The following ROBO1 variants were observed in gnomAD, a reference collection of about 807,000 sequenced individuals.
ROBO1 encodes roundabout homolog 1.
In ROBO1, 149 loss-of-function variants were observed where a neutral mutation model predicts 195.9. The ratio of observed to expected loss-of-function variants is 0.76; its 90% CI spans 0.67 to 0.87. The LOEUF is 0.87. Among genes scored for constraint, ROBO1 ranks in the 40% least tolerant of loss-of-function variants. The pLI is 0.00. For missense variants in ROBO1, 1,933 were observed against 2,068.3 expected (o/e 0.93, Z 1.27); for synonymous variants, 816 against 733.2 (o/e 1.11, Z -1.82).
chr3:79,461,939 A>G (rs904740265), intron 2 of ROBO1, among the ~76,000 whole-genome samples: 6 of 152,180 alleles, frequency 3.9e-5, no homozygotes, highest in Non-Finnish European at 7.3e-5. Context: ...TAAGCAAAAA[A>G]TGTTGTTGTC....
intron 4 of ROBO1, among the ~76,000 whole-genome samples, chr3:78,917,838 G>A (rs574967071): frequency 6.4e-4 from 98 of 152,332 alleles, no homozygotes; most frequent in Non-Finnish European, 7.4e-4. Context: ...AAGCAAGGAA[G>A]AAGGAAATGA....
chr3:79,456,530 T>C (rs1416865680), intron 2 of ROBO1, among the ~76,000 whole-genome samples: 1 of 152,154 alleles, frequency 6.6e-6, no homozygotes, highest in Non-Finnish European at 1.5e-5. Context: ...TCAATAGTTT[T>C]ATTCTGTTAT....
chr3:78,714,758 T>C (rs1354049523), intron 7 of ROBO1: 3 of 391,306 alleles, frequency 7.7e-6, no homozygotes, highest in Non-Finnish European at 1.4e-5. Context: ...AAAGTTGGCA[T>C]TTATTTACTT....
At chr3:79,220,340 T>A (rs896773681) in intron 2 of ROBO1, among the ~76,000 whole-genome samples, 1 of 152,070 alleles carries the variant, frequency 6.6e-6, no homozygotes, top group Non-Finnish European at 1.5e-5. Flanking sequence ...TGTCTCTAAT[T>A]TTCTTAGTGT....
At chr3:79,293,181 T>A (rs939828736) in intron 2 of ROBO1, among the ~76,000 whole-genome samples, 1 of 152,174 alleles carries the variant, frequency 6.6e-6, no homozygotes, top group African/African-American at 2.4e-5. Context: ...TTCATAGTAT[T>A]CTCTGATGGT....
intron 2 of ROBO1, among the ~76,000 whole-genome samples, chr3:79,489,236 T>C (rs559729262): frequency 2.1e-4 from 32 of 152,102 alleles, no homozygotes; most frequent in Non-Finnish European, 4.3e-4. Context: ...ATTTAGCTAT[T>C]TCTTAACATG....
chr3:78,606,861 T>C lies in ROBO1; in HGVS notation c.4616A>G (p.Gln1539Arg), dbSNP rs188199963. The C allele has an allele frequency of 6.2e-6, 10 of 1,613,966 alleles. No homozygotes were observed. The African/African-American group carries it at 8.0e-5, about 13-fold the overall frequency. Reference sequence around the variant, plus strand: ...TGGATTTGTTCGCATGTCAACAACCTGTCTTCCATCCAACACTTCTCTCCC... The same window carrying C: ...TGGATTTGTTCGCATGTCAACAACCCGTCTTCCATCCAACACTTCTCTCCC... ...YKGREVLDGR[Q>R]VVDMRTNPGD... The change falls in exon 29 of 31, where the codon CAG (glutamine) becomes CGG (arginine). Residue 1539 changes from glutamine to arginine, a missense_variant. Coordinates refer to ENST00000464233, the MANE Select transcript of ROBO1 (RefSeq NM_002941.4).
At chr3:78,676,111 G>A (rs1708406501) in intron 10 of ROBO1, among the ~76,000 whole-genome samples, 1 of 152,150 alleles carries the variant, frequency 6.6e-6, no homozygotes, top group African/African-American at 2.4e-5. Flanking sequence ...CTGCAGCTGA[G>A]GGTCCTGTCT....
At chr3:78,724,484 T>C (rs971290762) in intron 5 of ROBO1, among the ~76,000 whole-genome samples, 1 of 133,984 alleles carries the variant, frequency 7.5e-6, no homozygotes, top group East Asian at 2.3e-4. Flanking sequence ...GAGACCAGCC[T>C]GGCCAACATG....
chr3:78,917,199 C>G (rs922726496), intron 4 of ROBO1, among the ~76,000 whole-genome samples: 1 of 146,604 alleles, frequency 6.8e-6, no homozygotes, highest in East Asian at 2.1e-4. Flanking sequence ...CGGGTTCAAG[C>G]GATTCTCCTG....
In ROBO1 at chr3:78,634,042, T is replaced by G; in HGVS notation, c.3374A>C (p.Asp1125Ala). The G allele has an allele frequency of 3.2e-6, 5 of 1,578,074 alleles. No homozygotes were observed. Among genetic ancestry groups the G allele is most frequent in the Non-Finnish European group, 4.3e-6 (5 of 1,152,936 alleles). ...AGGAACTGTGTCATTTGCTCGATAATCTAGACATATCAGATGAAAAAACAA... is the reference window on the plus strand; with the variant it reads ...AGGAACTGTGTCATTTGCTCGATAAGCTAGACATATCAGATGAAAAAACAA... ...NIVEQNKLNK[D>A]YRANDTVPPT... Residue 1125 changes from aspartate to alanine, a missense_variant and splice_region_variant, in exon 24 of 31, where the codon GAT becomes GCT. Asp to Ala is a moderately radical substitution (Grantham distance 126). This residue lies in a region of ROBO1 where 1,737 missense variants were observed against 1,882.5 expected (regional missense o/e 0.92). Coordinates refer to ENST00000464233, the MANE Select transcript of ROBO1 (RefSeq NM_002941.4).
intron 3 of ROBO1, among the ~76,000 whole-genome samples, chr3:79,056,561 A>C (rs2108385420): frequency 6.6e-6 from 1 of 152,206 alleles, no homozygotes; most frequent in African/African-American, 2.4e-5. Flanking sequence ...AGGACTTCCA[A>C]AAACTCTTGG....
At chr3:79,292,472 C>G (rs1421101070) in intron 2 of ROBO1, among the ~76,000 whole-genome samples, 1 of 152,148 alleles carries the variant, frequency 6.6e-6, no homozygotes, top group African/African-American at 2.4e-5. Flanking sequence ...AAAGGGAATG[C>G]TTCCAGCTTT....
intron 2 of ROBO1, among the ~76,000 whole-genome samples, chr3:79,581,776 CA>C (rs1366419011): frequency 6.6e-6 from 1 of 151,860 alleles, no homozygotes; most frequent in Non-Finnish European, 1.5e-5. Flanking sequence ...GCTCAAGAAA[CA>C]TATAGAATGA....
chr3:78,651,728 A>C lies in ROBO1; in HGVS notation c.2812+4T>G, dbSNP rs1486617394. On this transcript the variant is annotated splice_donor_region_variant and intron_variant, in intron 19 of 30. Transcript: ENST00000464233. ...AAATATGAAAACCTTGGGAAAGCTA[A>C]TACCTTTTCTGATACCCGCGTAGGT... 6.3e-7 allele frequency: 1 copy of C among 1,577,772 alleles called. No homozygotes were observed. Among genetic ancestry groups the C allele is most frequent in the Non-Finnish European group, 8.6e-7 (1 of 1,163,874 alleles).
At chr3:79,760,236 CAAAAAAAAAAAAAAAAAAAAAAAAAA>C (rs11451206) in intron 1 of ROBO1, among the ~76,000 whole-genome samples, 1 of 4,512 alleles carries the variant, frequency 2.2e-4, no homozygotes, top group Admixed American at 4.2e-3. Flanking sequence ...GACCCTATCT[CAAAAAAAAAAAAAAAAAAAAAAAAAA>C]AAAAAAAAAG....
At chr3:79,643,084 G>A (rs953994007) in intron 1 of ROBO1, among the ~76,000 whole-genome samples, 1 of 151,956 alleles carries the variant, frequency 6.6e-6, no homozygotes, top group Non-Finnish European at 1.5e-5. Flanking sequence ...AGCTGCTAGT[G>A]TGGCTAAAAA....
At chr3:79,705,911 A>T (rs1417156553) in intron 1 of ROBO1, among the ~76,000 whole-genome samples, 1 of 152,082 alleles carries the variant, frequency 6.6e-6, no homozygotes. Flanking sequence ...ATATTTATGT[A>T]TTCCATTTTT....
chr3:79,401,635 AAC>A (rs1172702534), intron 2 of ROBO1, among the ~76,000 whole-genome samples: 1 of 151,886 alleles, frequency 6.6e-6, no homozygotes, highest in Non-Finnish European at 1.5e-5. Context: ...TGTATTCGTA[AAC>A]ACAAATTTGT....
Sources: gnomAD v4.1 joint callset for allele counts (sites outside exome capture counted in the v4.1 genomes callset) on GRCh38, gnomAD v4.1.1 for gene constraint, gnomAD v4.1.1 regional missense constraint, MANE v1.5 for transcripts, NCBI Gene and HGNC (gene_info 2026-07-23, HGNC 2026-07-21) for gene names.